Variants in TAF1 observed in about 807,000 individuals in gnomAD.
The protein encoded by TAF1 is TATA-box binding protein associated factor 1.
In TAF1, 2 loss-of-function variants were observed where a neutral mutation model predicts 138.5. The ratio of observed to expected loss-of-function variants is 0.01; its 90% CI spans 0.01 to 0.05. The LOEUF is 0.05. TAF1 is among the 10% of genes least tolerant of loss of function. TAF1 has a pLI of 1.00. For missense variants in TAF1, 709 were observed against 1,478.0 expected (o/e 0.48, Z 8.53); for synonymous variants, 437 against 503.2 (o/e 0.87, Z 1.76).
chrX:71,490,444 TG>T (rs1431446237), intron 13 of TAF1, among the ~76,000 whole-genome samples: 1 of 111,791 alleles, frequency 8.9e-6, no homozygotes, highest in African/African-American at 3.2e-5. Context: ...TTTTTTTTTT[TG>T]AGACGGAGTC....
intron 15 of TAF1, among the ~76,000 whole-genome samples, chrX:71,387,968 C>T (rs1041926985): frequency 1.8e-5 from 2 of 109,514 alleles, no homozygotes; most frequent in South Asian, 3.8e-4. Flanking sequence ...GGCATGGTGG[C>T]GCACGCCTAT....
At chrX:71,491,761 A>G (rs1444336819) in intron 13 of TAF1, 2 of 104,301 alleles carry the variant, frequency 1.9e-5, no homozygotes, top group Non-Finnish European at 3.9e-5. Context: ...TCCCAGGTTC[A>G]TGCCATTCTC....
chrX:71,438,025 G>A lies in TAF1; in HGVS notation c.4753+13787G>A, dbSNP rs144729366. ...TAATTTTTGTATTTTTAGTAGAGAC[G>A]GGGTTTCACCAAGTTGGCCAGGTTG... On this transcript the variant is annotated intron_variant, in intron 32 of 37. Transcript: ENST00000423759. Among the ~76,000 whole-genome samples the A allele has an allele frequency of 2.0e-4, 22 of 109,091 alleles. No individual in the cohort carries two copies. The East Asian group carries it at 5.5e-3, about 27-fold the overall frequency. 94.7% of individuals were successfully genotyped at this position (109,091 alleles called of 115,157 possible).
chrX:71,477,675 G>C (rs1349769721), intron 13 of TAF1, among the ~76,000 whole-genome samples: 4 of 112,071 alleles, frequency 3.6e-5, no homozygotes, highest in East Asian at 2.8e-4. Context: ...ATAAAATTTG[G>C]ATGCATTTAA....
rs776593413 is a variant in TAF1, at chrX:71,408,012, A to G, written c.4245A>G (p.Val1415=). The G allele has an allele frequency of 1.2e-5, 15 of 1,209,565 alleles. No individual in the cohort carries two copies. The highest frequency in any genetic ancestry group is 1.7e-5 in the Non-Finnish European group (15 of 895,208). Residue 1415 remains valine (V), a synonymous_variant, in exon 28 of 38, where the codon GTA becomes GTG. Coordinates refer to ENST00000423759, the MANE Select transcript of TAF1 (RefSeq NM_004606.5). The stretch of plus-strand genomic sequence containing the variant: ...ACACTCCAGTCAATGCAAAGGTTGT[A>G]AAGGACTACTACAAAATCATCACTC... ...PFHTPVNAKV[V]KDYYKIITRP...
At chrX:71,457,242 G>C (rs1278188304) in intron 34 of TAF1, among the ~76,000 whole-genome samples, 1 of 112,096 alleles carries the variant, frequency 8.9e-6, no homozygotes, top group Non-Finnish European at 1.9e-5. Context: ...ACACATATCT[G>C]TTCTATCTGT....
At chrX:71,504,769 A>AAAAAG (rs1569409398) in intron 13 of TAF1, among the ~76,000 whole-genome samples, 14 of 102,740 alleles carry the variant, frequency 1.4e-4, no homozygotes, top group East Asian at 2.9e-4. Context: ...AAAAAAAAAA[A>AAAAAG]AAAAGAAAAG....
intron 32 of TAF1, among the ~76,000 whole-genome samples, chrX:71,434,119 A>C (rs1392845055): frequency 8.9e-6 from 1 of 112,083 alleles, no homozygotes; most frequent in Non-Finnish European, 1.9e-5. Context: ...CTGTAATCCT[A>C]ATGCTTTGGG....
chrX:71,506,531 A>AT (rs1378649359), intron 13 of TAF1, among the ~76,000 whole-genome samples: 1 of 107,323 alleles, frequency 9.3e-6, no homozygotes, highest in Non-Finnish European at 1.9e-5. Flanking sequence ...ATAAATATAT[A>AT]TTTTTTTAAA....
In TAF1 at chrX:71,377,110, A is replaced by G. The variant is rs773107206; in HGVS notation, c.633A>G (p.Pro211=). The G allele has an allele frequency of 1.3e-5, 16 of 1,209,700 alleles. No individual in the cohort carries two copies. The highest frequency in any genetic ancestry group is 1.8e-5 in the African/African-American group (1 of 57,070). The stretch of plus-strand genomic sequence containing the variant: ...CTGAAGATGGAAAGCTGACCCTTCC[A>G]TTGGCTGGGATTATGCAGCATGATG... ...AESEDGKLTL[P]LAGIMQHDAT... Residue 211 remains proline (P), a synonymous_variant, in exon 5 of 38, where the codon CCA becomes CCG. Transcript: ENST00000423759.
chrX:71,394,085 A>T lies in TAF1; in HGVS notation c.3246A>T (p.Glu1082Asp). ...TTTTTAGGGTTCTGTCATCAACTGAAGTCTTATCAACTGACACAGACAGCA... is the reference window on the plus strand; with the variant it reads ...TTTTTAGGGTTCTGTCATCAACTGATGTCTTATCAACTGACACAGACAGCA... The part of the protein sequence containing the change: ...DLQNKVLSST[E>D]VLSTDTDSSS... Residue 1082 changes from glutamate to aspartate, a missense_variant, in exon 22 of 38, where the codon GAA (glutamate) becomes GAT (aspartate). Physicochemically the swap from Glu to Asp is conservative, Grantham distance 45. Transcript: ENST00000423759. 1 of 1,210,522 alleles carries T rather than the reference A, an allele frequency of 8.3e-7. No individual in the cohort carries two copies. The highest frequency in any genetic ancestry group is 1.1e-6 in the Non-Finnish European group (1 of 895,030).
At chrX:71,378,016 A>G in intron 6 of TAF1, 195 bp downstream of exon 6, 1 of 633,483 alleles carries the variant, frequency 1.6e-6, no homozygotes, top group Non-Finnish European at 2.3e-6. Flanking sequence ...TTGGTGGGGT[A>G]GGCGGGGATG....
Position 71,378,312 on chromosome X carries a change from A to G in TAF1, c.1011A>G (p.Pro337=). 8.3e-7 allele frequency: 1 copy of G among 1,211,959 alleles called. No homozygotes were observed. ...GDIDKVTDTK[P]RVAEWRYGPA... ...TAGATAAAGTGACAGATACCAAACC[A>G]AGAGTGGCTGAGTGGCGTTATGGGC... Residue 337 remains proline, a synonymous_variant, in exon 7 of 38, where the codon CCA becomes CCG. Coordinates refer to ENST00000423759, the MANE Select transcript of TAF1 (RefSeq NM_004606.5).
intron 28 of TAF1, chrX:71,419,991 C>A (rs769292832): frequency 1.5e-5 from 4 of 265,552 alleles, no homozygotes; most frequent in Non-Finnish European, 2.7e-5. Context: ...TCAAGGTCAT[C>A]TTCTGTTTTT....
rs775836470 is a variant in TAF1 at position 71,394,203 on chromosome X, C to T, written c.3364C>T (p.Arg1122Trp). The change falls in exon 22 of 38, where the codon CGG (arginine) becomes TGG (tryptophan). Residue 1122 changes from arginine to tryptophan, a missense_variant. Arg to Trp is a moderately radical substitution (Grantham distance 101). Coordinates refer to ENST00000423759, the MANE Select transcript of TAF1 (RefSeq NM_004606.5). ...AACCAGCTCTCAGCTTTCACGTGAACGGGAGGAACAGGAGCGGAAGGAACT... is the reference window on the plus strand; with the variant it reads ...AACCAGCTCTCAGCTTTCACGTGAATGGGAGGAACAGGAGCGGAAGGAACT... ...KKTSSQLSRE[R>W]EEQERKELQR... 3 of 1,209,806 alleles carry T rather than the reference C, an allele frequency of 2.5e-6. No individual in the cohort carries two copies. The highest frequency in any genetic ancestry group is 1.8e-5 in the South Asian group (1 of 56,762).
chrX:71,396,869 C>A (rs2148405606), intron 22 of TAF1, among the ~76,000 whole-genome samples: 1 of 108,291 alleles, frequency 9.2e-6, no homozygotes, highest in Admixed American at 1.0e-4. Context: ...CCCGTCTCTA[C>A]AAAAATTTAG....
At chrX:71,381,647 C>T in intron 8 of TAF1, 96 bp from the exon 9 acceptor site, 2 of 986,685 alleles carry the variant, frequency 2.0e-6, no homozygotes, top group Non-Finnish European at 2.8e-6. Flanking sequence ...ACTCGCTCTA[C>T]TAACATGAGT....
chrX:71,418,442 T>C (rs1248592559), intron 28 of TAF1, among the ~76,000 whole-genome samples: 2 of 112,733 alleles, frequency 1.8e-5, no homozygotes, highest in African/African-American at 6.4e-5. Flanking sequence ...TATTTTTCCT[T>C]ATATTCCCAT....
chrX:71,516,701 C>CTGT (rs976462419), intron 13 of TAF1, among the ~76,000 whole-genome samples: 9 of 99,715 alleles, frequency 9.0e-5, no homozygotes, highest in East Asian at 6.9e-4. Context: ...TTTTTTGTTG[C>CTGT]TGTTGTTGTT....
Sources: allele counts gnomAD v4.1 joint callset (sites outside exome capture counted in the v4.1 genomes callset), GRCh38; gene constraint gnomAD v4.1.1; transcripts MANE v1.5; gene names NCBI Gene and HGNC (gene_info 2026-07-23, HGNC 2026-07-21).